The following GPAM variants were observed in gnomAD, a reference collection of about 807,000 sequenced individuals.
GPAM encodes the protein glycerol-3-phosphate acyltransferase, mitochondrial.
In GPAM, 56 loss-of-function variants were observed where a neutral mutation model predicts 105.0. That is an observed-to-expected ratio of 0.53 (90% CI 0.43 to 0.67). The LOEUF is 0.67. Among genes scored for constraint, GPAM ranks in the 30% least tolerant of loss-of-function variants. GPAM has a pLI of 0.00. For synonymous variants in GPAM, 368 were observed against 354.4 expected (o/e 1.04, Z -0.43); for missense variants, 855 against 989.8 (o/e 0.86, Z 1.83).
At chr10:112,196,546 G>T (rs570698223) in intron 1 of GPAM, among the ~76,000 whole-genome samples, 7 of 152,282 alleles carry the variant, frequency 4.6e-5, no homozygotes, top group African/African-American at 1.7e-4. Flanking sequence ...AGTAAAGAGT[G>T]TTATGAACCT....
At chr10:112,161,090 C>A (rs1208346461) in intron 15 of GPAM, among the ~76,000 whole-genome samples, 3 of 152,202 alleles carry the variant, frequency 2.0e-5, no homozygotes, top group Non-Finnish European at 4.4e-5. Context: ...AGTGAACACT[C>A]TAGCCATGAC....
At chr10:112,202,690 A>C (rs1768020302) in intron 1 of GPAM, among the ~76,000 whole-genome samples, 1 of 152,186 alleles carries the variant, frequency 6.6e-6, no homozygotes. Context: ...AGCATGTCCA[A>C]AATAGTACCA....
chr10:112,183,072 A>G, intron 1 of GPAM, among the ~76,000 whole-genome samples, 181 bp from the exon 2 acceptor site: 1 of 152,234 alleles, frequency 6.6e-6, no homozygotes, highest in East Asian at 1.9e-4. Flanking sequence ...TGACTAGAGG[A>G]TCTGAAAAGG....
chr10:112,191,286 G>C (rs1194577969), intron 1 of GPAM, among the ~76,000 whole-genome samples: 1 of 152,208 alleles, frequency 6.6e-6, no homozygotes, highest in Non-Finnish European at 1.5e-5. Context: ...GCAGTAAGCA[G>C]CCAGGCTTCT....
At chr10:112,204,819 C>A (rs1847841116) in intron 1 of GPAM, among the ~76,000 whole-genome samples, 1 of 143,390 alleles carries the variant, frequency 7.0e-6, no homozygotes, top group Non-Finnish European at 1.5e-5. Context: ...CTGGCCAGGG[C>A]AATCAGGCAG....
At chr10:112,177,798 T>A (rs925514383) in intron 5 of GPAM, among the ~76,000 whole-genome samples, 186 bp downstream of exon 5, 1 of 152,200 alleles carries the variant, frequency 6.6e-6, no homozygotes, top group Non-Finnish European at 1.5e-5. Flanking sequence ...AGTACACAAG[T>A]GGTAACAGTA....
rs75935695 is a variant in GPAM at position 112,207,432 on chromosome 10, C to A, written n.210+7736G>T. 3.0e-4 allele frequency among the ~76,000 whole-genome samples: 46 copies of A among 152,322 alleles called. 1 individual carries two copies. The East Asian group carries it at 7.7e-3, about 26-fold the overall frequency. On this transcript the variant is annotated intron_variant and non_coding_transcript_variant, in intron 1 of 3. Transcript: ENST00000480130. ...ATCTTCTACAATGTTCTTGCCCCTG[C>A]ATAAGCAGCCAGCACAGGTTCCGAA...
At chr10:112,171,697 A>C (rs984364752) in intron 9 of GPAM, among the ~76,000 whole-genome samples, 1 of 152,154 alleles carries the variant, frequency 6.6e-6, no homozygotes, top group African/African-American at 2.4e-5. Context: ...ACCTCTAAAA[A>C]ACCTTTCAAA....
At chr10:112,153,889 A>C in intron 21 of GPAM, 1 of 471,600 alleles carries the variant, frequency 2.1e-6, no homozygotes, top group Non-Finnish European at 3.8e-6. Context: ...TTTTGTTTTG[A>C]TGGAGTTCAA....
chr10:112,169,087 A>G (rs1434696087), intron 9 of GPAM, 135 bp from the exon 10 acceptor site: 3 of 656,032 alleles, frequency 4.6e-6, no homozygotes, highest in Non-Finnish European at 8.1e-6. Context: ...GTAAAAATGC[A>G]GGCATTTTTT....
chr10:112,180,377 C>A (rs1847485666), intron 4 of GPAM, 96 bp downstream of exon 4: 1 of 1,179,822 alleles, frequency 8.5e-7, no homozygotes, highest in Non-Finnish European at 1.3e-6. Context: ...GGTCTCTGTT[C>A]TGAAAGTGAA....
intron 18 of GPAM, among the ~76,000 whole-genome samples, chr10:112,157,980 C>T (rs573020012): frequency 6.6e-6 from 1 of 152,328 alleles, no homozygotes; most frequent in Non-Finnish European, 1.5e-5. Context: ...CACTCTGTCA[C>T]CCAGGCTGGA....
At position 112,159,948 on chromosome 10, in the gene GPAM, A is replaced by G; in HGVS notation, c.1865T>C (p.Leu622Pro). ...GCCTTCATTGGAGAGAAGGTAGCAC[A>G]GGCTGGCCGCCTTCCGCACCAGCTG... ...QEQLVRKAAS[L>P]CYLLSNEGTI... The change falls in exon 17 of 22, where the codon CTG becomes CCG. Residue 622 changes from leucine (L) to proline (P), a missense_variant. Physicochemically the swap from Leu to Pro is moderately conservative, Grantham distance 98. Coordinates refer to ENST00000348367, the MANE Select transcript of GPAM (RefSeq NM_001244949.2). 1 of 1,613,978 alleles carries G rather than the reference A, an allele frequency of 6.2e-7. No homozygotes were observed. Among genetic ancestry groups the G allele is most frequent in the Non-Finnish European group, 8.5e-7 (1 of 1,179,888 alleles).
upstream of GPAM, among the ~76,000 whole-genome samples, chr10:112,183,988 C>T (rs1847558583): frequency 6.6e-6 from 1 of 152,170 alleles, no homozygotes; most frequent in Non-Finnish European, 1.5e-5. Context: ...GTGTGGGTAC[C>T]TCATTCTGCT....
rs201020172 is a variant in GPAM at position 112,160,662 on chromosome 10, G to A, written c.1701C>T (p.Phe567=). The A allele has an allele frequency of 8.9e-5, 143 of 1,613,528 alleles. No individual in the cohort carries two copies. Among genetic ancestry groups the A allele is most frequent in the South Asian group, 8.8e-4 (80 of 91,070 alleles). The change falls in exon 16 of 22, where the codon TTC becomes TTT. Residue 567 remains phenylalanine (F), a synonymous_variant. Coordinates refer to ENST00000348367, the MANE Select transcript of GPAM (RefSeq NM_001244949.2). ...ITPSTTVPSV[F]ELNFYSNGVL... ...CCCCATTGCTGTAGAAGTTGAGTTC[G>A]AAGACTGATGGGACAGTTGTGCTGG...
intron 9 of GPAM, among the ~76,000 whole-genome samples, chr10:112,170,815 T>C (rs1424644125): frequency 6.6e-6 from 1 of 152,268 alleles, no homozygotes; most frequent in African/African-American, 2.4e-5. Flanking sequence ...CTATATATTT[T>C]GTTCTCTCTT....
intron 1 of GPAM, among the ~76,000 whole-genome samples, chr10:112,191,367 C>A (rs1028230177): frequency 6.6e-6 from 1 of 152,130 alleles, no homozygotes; most frequent in African/African-American, 2.4e-5. Flanking sequence ...GAAGAAAGCA[C>A]GGTGGGAACT....
At chr10:112,172,126 A>G in intron 9 of GPAM, 56 bp downstream of exon 9, 1 of 1,328,444 alleles carries the variant, frequency 7.5e-7, no homozygotes, top group East Asian at 2.4e-5. Flanking sequence ...TTAAAAAATT[A>G]AAATTCAAAA....
At chr10:112,185,459 C>A (rs1589601123), upstream of GPAM, among the ~76,000 whole-genome samples, 1 of 146,678 alleles carries the variant, frequency 6.8e-6, no homozygotes. Flanking sequence ...ATAAACTGAG[C>A]ATGGGAAGTA....
Sources: gnomAD v4.1 joint callset for allele counts (sites outside exome capture counted in the v4.1 genomes callset) on GRCh38, gnomAD v4.1.1 for gene constraint, MANE v1.5 for transcripts, NCBI Gene and HGNC (gene_info 2026-07-23, HGNC 2026-07-21) for gene names.